Variants in MPDZ observed in about 807,000 individuals in gnomAD.
The protein encoded by MPDZ is multiple PDZ domain protein.
A neutral mutation model predicts 239.1 loss-of-function variants in MPDZ; 234 were observed. The ratio of observed to expected loss-of-function variants is 0.98; its 90% CI spans 0.88 to 1.09. The LOEUF is 1.09. MPDZ is among the 50% of genes least tolerant of loss of function. MPDZ has a pLI of 0.00. For synonymous variants in MPDZ, 1,048 were observed against 881.3 expected (o/e 1.19, Z -3.35); for missense variants, 3,175 against 2,510.0 (o/e 1.26, Z -5.66).
chr9:13,276,693 T>G (rs1261795483), intron 1 of MPDZ: 1 of 152,226 alleles, frequency 6.6e-6, no homozygotes, highest in Non-Finnish European at 1.5e-5. Flanking sequence ...AGTCCAACTT[T>G]GCCTCAAAAT....
At chr9:13,244,089 C>A (rs1966039286) in intron 3 of MPDZ, among the ~76,000 whole-genome samples, 1 of 152,130 alleles carries the variant, frequency 6.6e-6, no homozygotes, top group Non-Finnish European at 1.5e-5. Flanking sequence ...TGAAATTAAT[C>A]ATTTTAATTC....
chr9:13,230,877 C>T (rs1189055869), intron 3 of MPDZ, among the ~76,000 whole-genome samples: 1 of 151,830 alleles, frequency 6.6e-6, no homozygotes. Flanking sequence ...TAAATAAATG[C>T]TTAGAAACTT....
At chr9:13,162,027 G>A (rs1950546614) in intron 23 of MPDZ, among the ~76,000 whole-genome samples, 1 of 152,166 alleles carries the variant, frequency 6.6e-6, no homozygotes, top group African/African-American at 2.4e-5. Flanking sequence ...CACTTTGGCA[G>A]GACGAGGTGG....
chr9:13,143,104 T>C (rs1947948027), intron 27 of MPDZ, among the ~76,000 whole-genome samples: 1 of 152,064 alleles, frequency 6.6e-6, no homozygotes, highest in Non-Finnish European at 1.5e-5. Flanking sequence ...ATGAAAAGGA[T>C]TTAAATCAAC....
At chr9:13,179,788 G>A (rs954902477) in intron 19 of MPDZ, among the ~76,000 whole-genome samples, 2 of 152,024 alleles carry the variant, frequency 1.3e-5, no homozygotes, top group East Asian at 1.9e-4. Context: ...TTTCTTAAGC[G>A]CAATGCATAA....
At chr9:13,237,751 A>G (rs1341423118) in intron 3 of MPDZ, among the ~76,000 whole-genome samples, 1 of 152,204 alleles carries the variant, frequency 6.6e-6, no homozygotes, top group Non-Finnish European at 1.5e-5. Flanking sequence ...AGAATTTTAG[A>G]ACATCTGTAT....
chr9:13,190,000 A>C, intron 16 of MPDZ, 114 bp downstream of exon 16: 1 of 898,152 alleles, frequency 1.1e-6, no homozygotes, highest in South Asian at 2.1e-5. Flanking sequence ...ACTATTTTGA[A>C]AGACTGACTA....
chr9:13,140,596 A>T (rs537399961), intron 27 of MPDZ, among the ~76,000 whole-genome samples: 1 of 151,386 alleles, frequency 6.6e-6, no homozygotes, highest in African/African-American at 2.4e-5. Flanking sequence ...ATAATTCACT[A>T]AACTTTTATT....
At chr9:13,112,344 A>C (rs1191647607) in intron 42 of MPDZ, among the ~76,000 whole-genome samples, 198 bp from the exon 43 acceptor site, 1 of 152,212 alleles carries the variant, frequency 6.6e-6, no homozygotes, top group Non-Finnish European at 1.5e-5. Flanking sequence ...CTGTTCAGGA[A>C]GTAAAATAAA....
chr9:13,153,661 T>C (rs538738755), intron 24 of MPDZ, among the ~76,000 whole-genome samples: 1 of 152,244 alleles, frequency 6.6e-6, no homozygotes, highest in South Asian at 2.1e-4. Flanking sequence ...TTAAAGCAGT[T>C]CCTAAGGCAA....
rs745983803 is a variant in MPDZ, at chr9:13,126,788, C to G, written c.4465-16G>C. ...CCCCCTGATCCTAGAAAAGTAAAAA[C>G]AAAAATGCTCAGAAGACTTGAAACA... On this transcript the variant is annotated splice_polypyrimidine_tract_variant and intron_variant, in intron 32 of 46. Coordinates refer to ENST00000319217, the MANE Select transcript of MPDZ (RefSeq NM_001378778.1). The G allele has an allele frequency of 5.6e-6, 9 of 1,599,916 alleles. No homozygotes were observed. The highest frequency in any genetic ancestry group is 1.3e-5 in the African/African-American group (1 of 74,552).
intron 1 of MPDZ, among the ~76,000 whole-genome samples, chr9:13,260,703 T>C (rs1970493046): frequency 6.6e-6 from 1 of 152,168 alleles, no homozygotes; most frequent in Non-Finnish European, 1.5e-5. Context: ...TGTCTCACTG[T>C]CTATGTGCAA....
chr9:13,113,023 G>T lies in MPDZ; in HGVS notation c.5589C>A (p.Val1863=). The change falls in exon 42 of 47, where the codon GTC becomes GTA. Residue 1863 remains valine (V), a synonymous_variant. Coordinates refer to ENST00000319217, the MANE Select transcript of MPDZ (RefSeq NM_001378778.1). ...CTCCCCAAGTTACCTTTTTCATTTC[G>T]ACTGTTCTTAATCCCTGTATTTCAG... ...LASEIQGLRT[V]EMKKGPTDSL... is the part of the protein sequence containing the mutation. The T allele has an allele frequency of 6.3e-7, 1 of 1,585,410 alleles. No individual in the cohort carries two copies. The highest frequency in any genetic ancestry group is 1.1e-5 in the South Asian group (1 of 87,060).
intron 2 of MPDZ, among the ~76,000 whole-genome samples, chr9:13,249,124 A>ACT (rs1266732816): frequency 1.3e-5 from 2 of 151,416 alleles, no homozygotes; most frequent in African/African-American, 4.9e-5. Flanking sequence ...ACACACACAC[A>ACT]CACACACACA....
At chr9:13,197,291 TTTTG>T (rs956034113) in intron 12 of MPDZ, among the ~76,000 whole-genome samples, 46 of 151,812 alleles carry the variant, frequency 3.0e-4, no homozygotes, top group East Asian at 1.9e-4. Context: ...GTTCCAGTGT[TTTTG>T]TTTGTTTATT....
intron 19 of MPDZ, 80 bp from the exon 20 acceptor site, chr9:13,176,497 G>T: frequency 9.0e-7 from 1 of 1,107,806 alleles, no homozygotes; most frequent in Non-Finnish European, 1.2e-6. Context: ...ACTTCTTAAT[G>T]AACAACTATT....
intron 1 of MPDZ, among the ~76,000 whole-genome samples, chr9:13,268,378 A>C (rs1972245194): frequency 6.6e-6 from 1 of 151,986 alleles, no homozygotes; most frequent in Non-Finnish European, 1.5e-5. Flanking sequence ...TTTATATCTA[A>C]TTTTGTATTT....
Position 13,188,722 on chromosome 9 carries a change from G to A in MPDZ, c.2364+62C>T. The A allele has an allele frequency of 2.1e-6, 3 of 1,460,682 alleles. No individual in the cohort carries two copies. In the South Asian group the frequency reaches 3.9e-5, roughly 19 times the overall value. The allele number at this position is 1,460,682 out of a possible 1,614,324, so 90.5% of individuals were successfully genotyped here. On this transcript the variant is annotated intron_variant, in intron 17 of 46. Coordinates refer to ENST00000319217, the MANE Select transcript of MPDZ (RefSeq NM_001378778.1). ...ATCATGAGAACACCTAAAGCGAAAA[G>A]TAGACCTATGAACCATTTTGCTTAT...
chr9:13,252,322 C>T (rs1227234942), intron 1 of MPDZ, among the ~76,000 whole-genome samples: 1 of 148,584 alleles, frequency 6.7e-6, no homozygotes, highest in Admixed American at 6.7e-5. Flanking sequence ...AATCCCAGCA[C>T]TTTGGGAGGC....
Sources: gnomAD v4.1 joint callset for allele counts (sites outside exome capture counted in the v4.1 genomes callset) on GRCh38, gnomAD v4.1.1 for gene constraint, MANE v1.5 for transcripts, NCBI Gene and HGNC (gene_info 2026-07-23, HGNC 2026-07-21) for gene names.